PDE1C: variants seen among roughly 807,000 people sequenced by gnomAD.
PDE1C encodes phosphodiesterase 1C, also known as dual specificity calcium/calmodulin-dependent 3',5'-cyclic nucleotide phosphodiesterase 1C.
In PDE1C, 62 loss-of-function variants were observed where a neutral mutation model predicts 93.1. The ratio of observed to expected loss-of-function variants is 0.67; its 90% confidence interval spans 0.54 to 0.82. The LOEUF is 0.82. Among genes scored for constraint, PDE1C ranks in the 40% least tolerant of loss-of-function variants. The pLI is 0.00. For missense variants in PDE1C, 742 were observed against 884.6 expected (o/e 0.84, Z 2.04); for synonymous variants, 325 against 310.1 (o/e 1.05, Z -0.50).
chr7:31,731,505 C>G, the PDE1C span, among the ~76,000 whole-genome samples: 1 of 152,150 alleles, frequency 6.6e-6, no homozygotes, highest in Non-Finnish European at 1.5e-5. Flanking sequence ...ATTCTCCTGC[C>G]TCAGCCTCCT....
At chr7:32,340,310 T>C (rs1051561775) in intron 1 of PDE1C, among the ~76,000 whole-genome samples, 1 of 152,114 alleles carries the variant, frequency 6.6e-6, no homozygotes, top group Non-Finnish European at 1.5e-5. Flanking sequence ...CCTACATAAA[T>C]GCTGATGTTG....
chr7:31,740,060 A>G, the PDE1C span, among the ~76,000 whole-genome samples: 1 of 152,192 alleles, frequency 6.6e-6, no homozygotes, highest in Non-Finnish European at 1.5e-5. Flanking sequence ...AAAGGAAGGC[A>G]TGCCATGAAA....
intron 2 of PDE1C, among the ~76,000 whole-genome samples, chr7:32,046,213 T>A (rs200015922): frequency 0.05 from 7,417 of 147,144 alleles, 239 homozygotes; most frequent in East Asian, 0.16. Flanking sequence ...GCCTTTTTTT[T>A]AAAAAAAAAA....
chr7:32,236,597 G>A (rs571619332), intron 1 of PDE1C, among the ~76,000 whole-genome samples: 11 of 152,214 alleles, frequency 7.2e-5, no homozygotes, highest in East Asian at 1.9e-4. Flanking sequence ...TAAAACCACC[G>A]TGCGATACTA....
At chr7:31,673,205 G>T in the PDE1C span, among the ~76,000 whole-genome samples, 1 of 152,198 alleles carries the variant, frequency 6.6e-6, no homozygotes, top group Non-Finnish European at 1.5e-5. Context: ...TTGGCATAGG[G>T]AAGCTGGAGG....
At chr7:32,101,504 T>C (rs900543246) in intron 3 of PDE1C, among the ~76,000 whole-genome samples, 2 of 152,156 alleles carry the variant, frequency 1.3e-5, no homozygotes, top group Admixed American at 1.3e-4. Flanking sequence ...GCTGTCCCCA[T>C]GGTAATGAGT....
intron 2 of PDE1C, among the ~76,000 whole-genome samples, chr7:31,955,167 C>CA (rs1193158484): frequency 1.3e-5 from 2 of 152,192 alleles, no homozygotes; most frequent in East Asian, 3.8e-4. Flanking sequence ...GAAGCAGCCA[C>CA]AGTGTGATCG....
chr7:31,685,537 A>G, the PDE1C span, among the ~76,000 whole-genome samples: 1 of 152,300 alleles, frequency 6.6e-6, no homozygotes, highest in East Asian at 1.9e-4. Context: ...TTTCCACTCA[A>G]GTGTGGACTG....
At chr7:32,314,251 T>C (rs1212897597) in intron 1 of PDE1C, among the ~76,000 whole-genome samples, 1 of 152,164 alleles carries the variant, frequency 6.6e-6, no homozygotes, top group African/African-American at 2.4e-5. Context: ...CATTATCTTG[T>C]AACATGATTT....
At chr7:32,064,196 A>G (rs1230005911) in intron 1 of PDE1C, among the ~76,000 whole-genome samples, 1 of 152,136 alleles carries the variant, frequency 6.6e-6, no homozygotes, top group Non-Finnish European at 1.5e-5. Context: ...AGATTCTCAG[A>G]CCCACCACTC....
chr7:32,219,766 T>A (rs748944049), intron 1 of PDE1C, among the ~76,000 whole-genome samples: 5 of 152,212 alleles, frequency 3.3e-5, no homozygotes, highest in Non-Finnish European at 5.9e-5. Flanking sequence ...AGCCAATCAC[T>A]AGCAGTTAAC....
chr7:32,344,959 TC>T (rs1783824895), intron 1 of PDE1C, among the ~76,000 whole-genome samples: 1 of 152,156 alleles, frequency 6.6e-6, no homozygotes, highest in Non-Finnish European at 1.5e-5. Flanking sequence ...GCATCTATCA[TC>T]CCACTTGCAG....
rs115260930 is a variant in PDE1C at position 32,094,273 on chromosome 7, G to A, written c.308+75512C>T. On this transcript the variant is annotated intron_variant, in intron 3 of 18. Transcript: ENST00000396193. The stretch of plus-strand genomic sequence containing the variant: ...TAAGGAAAAGATGCTGTCCTCTCCA[G>A]AGCTGCCTCCAGCCCACCTCCTCTC... Among the ~76,000 whole-genome samples the A allele has an allele frequency of 3.1e-3, 465 of 152,246 alleles. 4 individuals are homozygous for A. Among genetic ancestry groups the A allele is most frequent in the African/African-American group, 0.011 (443 of 41,546 alleles).
intron 2 of PDE1C, among the ~76,000 whole-genome samples, chr7:31,984,706 A>G (rs1353163739): frequency 2.0e-5 from 3 of 152,238 alleles, no homozygotes; most frequent in Non-Finnish European, 4.4e-5. Context: ...ATAATTCCTG[A>G]GGAAGGTCCC....
intron 17 of PDE1C, among the ~76,000 whole-genome samples, chr7:31,756,418 G>T (rs915018363): frequency 1.3e-5 from 2 of 152,126 alleles, no homozygotes; most frequent in African/African-American, 4.8e-5. Context: ...ATTCCTCAAA[G>T]CTGTCAAAGT....
the PDE1C span, among the ~76,000 whole-genome samples, chr7:31,660,548 TTTGA>T: frequency 4.6e-5 from 7 of 152,252 alleles, no homozygotes; most frequent in African/African-American, 9.6e-5. Flanking sequence ...TCTGTTTTGG[TTTGA>T]TTAAGGAAAT....
At chr7:31,969,784 C>T (rs1453352446) in intron 2 of PDE1C, among the ~76,000 whole-genome samples, 1 of 152,180 alleles carries the variant, frequency 6.6e-6, no homozygotes, top group Admixed American at 6.5e-5. Context: ...AAATGTGGCA[C>T]ATATACACCA....
chr7:32,212,705 A>G (rs1354310840), intron 1 of PDE1C, among the ~76,000 whole-genome samples: 1 of 152,080 alleles, frequency 6.6e-6, no homozygotes, highest in Non-Finnish European at 1.5e-5. Flanking sequence ...TCACCTGGCC[A>G]ACTCCTTACT....
At chr7:31,880,695 A>C in intron 3 of PDE1C, 52 bp downstream of exon 3, 2 of 1,063,094 alleles carry the variant, frequency 1.9e-6, no homozygotes, top group South Asian at 1.4e-5. Context: ...AAAGCCATTT[A>C]AGAGAAAATT....
Sources: gnomAD v4.1 joint callset for allele counts (sites outside exome capture counted in the v4.1 genomes callset) on GRCh38, gnomAD v4.1.1 for gene constraint, MANE v1.5 for transcripts, NCBI Gene and HGNC (gene_info 2026-07-23, HGNC 2026-07-21) for gene names.